Variants in DNAAF2 observed in about 807,000 individuals in gnomAD.
DNAAF2 encodes the protein protein kintoun.
DNAAF2 carries 58 observed loss-of-function variants against 48.8 expected under a neutral mutation model. The ratio of observed to expected loss-of-function variants is 1.19; its 90% CI spans 0.96 to 1.48. DNAAF2 has a LOEUF of 1.48. DNAAF2 is among the 40% of genes most tolerant of loss of function. DNAAF2 has a pLI of 0.00. For missense variants in DNAAF2, 1,241 were observed against 1,116.1 expected, an observed-to-expected ratio of 1.11 and a Z score of -1.59; for synonymous variants, 567 against 481.2, an observed-to-expected ratio of 1.18 and a Z score of -2.33.
intron 1 of DNAAF2, among the ~76,000 whole-genome samples, chr14:49,631,352 G>A (rs1297201878): frequency 6.6e-6 from 1 of 152,208 alleles, no homozygotes; most frequent in Non-Finnish European, 1.5e-5. Flanking sequence ...GCAGCCGGGC[G>A]CGGTGGCTCA....
At position 49,625,714 on chromosome 14, in the gene DNAAF2, G is replaced by A. The variant is rs1256234033; in HGVS notation, c.2342C>T (p.Thr781Ile). 4.3e-6 allele frequency: 7 copies of A among 1,613,472 alleles called. No homozygotes were observed. The highest frequency in any genetic ancestry group is 5.9e-6 in the Non-Finnish European group (7 of 1,179,736). ...NESVITEEKE[T>I]DGDHLSSLLN... Reference sequence around the variant, plus strand: ...TAATGAAGATAGGTGATCTCCATCTGTTTCTTTCTCTTCAGTTATTACTGA... The same window carrying A: ...TAATGAAGATAGGTGATCTCCATCTATTTCTTTCTCTTCAGTTATTACTGA... The change falls in exon 3 of 3, where the codon ACA (threonine) becomes ATA (isoleucine). Residue 781 changes from threonine (T) to isoleucine (I), a missense_variant. By Grantham distance (89) the Thr-to-Ile change is moderately conservative. Transcript: ENST00000298292.
Position 49,634,780 on chromosome 14 carries a change from T to C in DNAAF2, c.370A>G (p.Ser124Gly), listed in dbSNP as rs1487394953. 1.3e-6 allele frequency: 2 copies of C among 1,582,842 alleles called. No homozygotes were observed. The highest frequency in any genetic ancestry group is 1.8e-5 in the Admixed American group (1 of 55,724). The change falls in exon 1 of 3, where the codon AGC becomes GGC. Residue 124 changes from serine to glycine, a missense_variant. Physicochemically the swap from Ser to Gly is moderately conservative, Grantham distance 56. Coordinates refer to ENST00000298292, the MANE Select transcript of DNAAF2 (RefSeq NM_018139.3). ...GCGTACTCGCGGCCGGGCGCCAGGC[T>C]GTAGGGCAGGGACCAGTGGCTGCCA... ...APGSHWSLPY[S>G]LAPGREYAGR... is the part of the protein sequence containing the mutation.
chr14:49,634,300 C>T lies in DNAAF2; in HGVS notation c.850G>A (p.Val284Met), dbSNP rs755669775. Reference protein sequence around the residue: ...SAPSPVPHELVITIELPLLRS... With the variant: ...SAPSPVPHELMITIELPLLRS... ...AACAGCGGCAGTTCGATGGTGATCACCAGCTCATGGGGCACGGGGCTCGGG... is the reference window on the plus strand; with the variant it reads ...AACAGCGGCAGTTCGATGGTGATCATCAGCTCATGGGGCACGGGGCTCGGG... The change falls in exon 1 of 3, where the codon GTG (valine) becomes ATG (methionine). Residue 284 changes from valine (V) to methionine (M), a missense_variant. Transcript: ENST00000298292. The T allele has an allele frequency of 6.2e-7, 1 of 1,612,106 alleles. No homozygotes were observed.
chr14:49,626,184 T>TACAGGTATGAG (rs1883001970), intron 2 of DNAAF2, 136 bp from the exon 3 acceptor site: 1 of 632,958 alleles, frequency 1.6e-6, no homozygotes, highest in Non-Finnish European at 2.3e-6. Flanking sequence ...ATCCAGGCTT[T>TACAGGTATGAG]CCTGTCAAAA....
Position 49,634,964 on chromosome 14 carries a change from C to A in DNAAF2, c.186G>T (p.Glu62Asp), listed in dbSNP as rs2985684. 3.2e-6 allele frequency: 5 copies of A among 1,560,516 alleles called. No homozygotes were observed. The highest frequency in any genetic ancestry group is 4.3e-6 in the Non-Finnish European group (5 of 1,152,536). The change falls in exon 1 of 3, where the codon GAG becomes GAT. Residue 62 changes from glutamate (E) to aspartate (D), a missense_variant. Coordinates refer to ENST00000298292, the MANE Select transcript of DNAAF2 (RefSeq NM_018139.3). Reference sequence around the variant, plus strand: ...GCACGAACCGCACTTCCACCCCGCGCTCACGCTCTAGCGCGGTGATCTCCG... The same window carrying A: ...GCACGAACCGCACTTCCACCCCGCGATCACGCTCTAGCGCGGTGATCTCCG... ...YEAEITALER[E>D]RGVEVRFVHP...
In DNAAF2 at chr14:49,634,559, C is replaced by T. The variant is rs1451417808; in HGVS notation, c.591G>A (p.Glu197=). The part of the protein sequence containing the change: ...TLKAKYKGTP[E]AAVLRTPLPG... ...GCAGGGGCGTGCGCAGCACCGCAGC[C>T]TCTGGGGTCCCCTTATACTTGGCCT... The change falls in exon 1 of 3, where the codon GAG becomes GAA. Residue 197 remains glutamate, a synonymous_variant. Transcript: ENST00000298292. 7.5e-6 allele frequency: 12 copies of T among 1,604,208 alleles called. 1 individual carries two copies. The highest frequency in any genetic ancestry group is 9.3e-6 in the Non-Finnish European group (11 of 1,179,722).
intron 1 of DNAAF2, among the ~76,000 whole-genome samples, chr14:49,631,062 C>T (rs1883148883): frequency 6.6e-6 from 1 of 152,060 alleles, no homozygotes; most frequent in South Asian, 2.1e-4. Context: ...TATTTTTCTT[C>T]CATTAAACAG....
In DNAAF2 at chr14:49,634,969, G is replaced by A. The variant is rs1253214739; in HGVS notation, c.181C>T (p.Arg61Cys). ...RYEAEITALERERGVEVRFVH... is the reference protein window; with the variant it reads ...RYEAEITALECERGVEVRFVH... Reference sequence around the variant, plus strand: ...AACCGCACTTCCACCCCGCGCTCACGCTCTAGCGCGGTGATCTCCGCCTCG... The same window carrying A: ...AACCGCACTTCCACCCCGCGCTCACACTCTAGCGCGGTGATCTCCGCCTCG... The change falls in exon 1 of 3, where the codon CGT becomes TGT. Residue 61 changes from arginine (R) to cysteine (C), a missense_variant. Arg to Cys is a radical substitution (Grantham distance 180). Transcript: ENST00000298292. 7 of 1,561,188 alleles carry A rather than the reference G, an allele frequency of 4.5e-6. No homozygotes were observed. The highest frequency in any genetic ancestry group is 6.1e-6 in the Non-Finnish European group (7 of 1,152,882).
chr14:49,633,904 C>G lies in DNAAF2; in HGVS notation c.1246G>C (p.Gly416Arg). The part of the protein sequence containing the change: ...GAAGSGVTTL[G>R]DPEVAPPPAA... ...GGCGGAGGCGCCACCTCCGGGTCGC[C>G]CAGGGTGGTGACCCCGGAGCCCGCA... The change falls in exon 1 of 3, where the codon GGC becomes CGC. Residue 416 changes from glycine to arginine, a missense_variant. By Grantham distance (125) the Gly-to-Arg change is moderately radical. Coordinates refer to ENST00000298292, the MANE Select transcript of DNAAF2 (RefSeq NM_018139.3). 6.5e-7 allele frequency: 1 copy of G among 1,533,900 alleles called. No homozygotes were observed.
Position 49,633,563 on chromosome 14 carries a change from CT to C in DNAAF2, c.1586del (p.Gln529ArgfsTer6), listed in dbSNP as rs1241879479. ...TGAGCAGAGTCAAGGTTTCTTTGTCCTGATTACACAGTAACGGAGGACACAA... is the reference window on the plus strand; with the variant it reads ...TGAGCAGAGTCAAGGTTTCTTTGTCCGATTACACAGTAACGGAGGACACAA... ...EPLCPPLLCNQDKETLTLLIQ... is the reference protein window; with the variant it reads ...EPLCPPLLCNXDKETLTLLIQ... On this transcript the variant is annotated frameshift_variant, in exon 1 of 3. Transcript: ENST00000298292. LOFTEE classifies it high-confidence loss of function. 7 of 1,613,888 alleles carry C rather than the reference CT, an allele frequency of 4.3e-6. No individual in the cohort carries two copies. The African/African-American group carries it at 9.3e-5, about 22-fold the overall frequency.
rs772707582 is a variant in DNAAF2 at position 49,634,608 on chromosome 14, T to C, written c.542A>G (p.Asp181Gly). The C allele has an allele frequency of 1.9e-6, 3 of 1,606,714 alleles. No individual in the cohort carries two copies. In the African/African-American group the frequency reaches 4.0e-5, roughly 21 times the overall value. ...AVEKQFGVKL[D>G]RRNAKTLKAK... The stretch of plus-strand genomic sequence containing the variant: ...CTTCAGGGTCTTGGCATTCCTGCGG[T>C]CCAGCTTCACGCCGAACTGCTTCTC... The change falls in exon 1 of 3, where the codon GAC (aspartate) becomes GGC (glycine). Residue 181 changes from aspartate to glycine, a missense_variant. Transcript: ENST00000298292.
chr14:49,630,394 G>A (rs1883121483), intron 1 of DNAAF2, among the ~76,000 whole-genome samples: 1 of 152,010 alleles, frequency 6.6e-6, no homozygotes, highest in Non-Finnish European at 1.5e-5. Context: ...TATAGTTAGG[G>A]TGTGGGGAGA....
At chr14:49,626,218 T>G (rs1883002681) in intron 2 of DNAAF2, among the ~76,000 whole-genome samples, 170 bp from the exon 3 acceptor site, 1 of 152,210 alleles carries the variant, frequency 6.6e-6, no homozygotes, top group Non-Finnish European at 1.5e-5. Flanking sequence ...CTGGGCACAG[T>G]GGCTCATGCC....
rs1176968012 is a variant in DNAAF2 at position 49,634,190 on chromosome 14, G to A, written c.960C>T (p.Leu320=). ...CATCGTCCACTGGGTACGGGAGCGAGAGCCGCAGCCGGTAGTCAGGTTTCC... is the reference window on the plus strand; with the variant it reads ...CATCGTCCACTGGGTACGGGAGCGAAAGCCGCAGCCGGTAGTCAGGTTTCC... ...DSRKPDYRLR[L]SLPYPVDDGR... Residue 320 remains leucine, a synonymous_variant, in exon 1 of 3, where the codon CTC becomes CTT. Transcript: ENST00000298292. 6.2e-7 allele frequency: 1 copy of A among 1,611,060 alleles called. No homozygotes were observed. The highest frequency in any genetic ancestry group is 8.5e-7 in the Non-Finnish European group (1 of 1,179,320).
At position 49,634,326 on chromosome 14, in the gene DNAAF2, G is replaced by A. The variant is rs200291432; in HGVS notation, c.824C>T (p.Ala275Val). ...CAGCTCATGGGGCACGGGGCTCGGG[G>A]CTGAGTCCCTGGAGCAGCGGTAATC... ...LQDYRCSRDS[A>V]PSPVPHELVI... Residue 275 changes from alanine to valine, a missense_variant, in exon 1 of 3, where the codon GCC becomes GTC. By Grantham distance (64) the Ala-to-Val change is moderately conservative. Transcript: ENST00000298292. 225 of 1,611,652 alleles carry A rather than the reference G, an allele frequency of 1.4e-4. 1 individual carries two copies. The highest frequency in any genetic ancestry group is 4.7e-4 in the Admixed American group (28 of 60,012).
chr14:49,631,380 C>A (rs1883159925), intron 1 of DNAAF2, among the ~76,000 whole-genome samples: 1 of 152,148 alleles, frequency 6.6e-6, no homozygotes, highest in Non-Finnish European at 1.5e-5. Context: ...AATCCCAGCA[C>A]TTTGGGAGGC....
In DNAAF2 at chr14:49,625,733, T is replaced by C. The variant is rs1044010358; in HGVS notation, c.2323A>G (p.Ile775Val). 3.1e-6 allele frequency: 5 copies of C among 1,613,538 alleles called. No homozygotes were observed. Among genetic ancestry groups the C allele is most frequent in the Non-Finnish European group, 2.5e-6 (3 of 1,179,714 alleles). Reference sequence around the variant, plus strand: ...CCATCTGTTTCTTTCTCTTCAGTTATTACTGACTCGTTTAAGTTATCTTTT... The same window carrying C: ...CCATCTGTTTCTTTCTCTTCAGTTACTACTGACTCGTTTAAGTTATCTTTT... The part of the protein sequence containing the change: ...EEKDNLNESV[I>V]TEEKETDGDH... Residue 775 changes from isoleucine to valine, a missense_variant, in exon 3 of 3, where the codon ATA (isoleucine) becomes GTA (valine). Ile to Val is a conservative substitution (Grantham distance 29). Coordinates refer to ENST00000298292, the MANE Select transcript of DNAAF2 (RefSeq NM_018139.3).
chr14:49,626,134 C>T, intron 2 of DNAAF2, 86 bp from the exon 3 acceptor site: 2 of 1,174,984 alleles, frequency 1.7e-6, no homozygotes, highest in South Asian at 2.5e-5. Context: ...AAATTTTTAA[C>T]AGTTGTGAGG....
chr14:49,630,692 CACACACACATAAACTCTCT>C (rs1469129529), intron 1 of DNAAF2, among the ~76,000 whole-genome samples: 4 of 147,744 alleles, frequency 2.7e-5, no homozygotes, highest in African/African-American at 1.0e-4. Context: ...CACACACACA[CACACACACATAAACTCTCT>C]ACACACACAC....
Sources: gnomAD v4.1 joint callset for allele counts (sites outside exome capture counted in the v4.1 genomes callset) on GRCh38, gnomAD v4.1.1 for gene constraint, MANE v1.5 for transcripts, NCBI Gene and HGNC (gene_info 2026-07-23, HGNC 2026-07-21) for gene names.